Variants in MTUS1 observed in about 807,000 individuals in gnomAD.
The protein encoded by MTUS1 is microtubule associated scaffold protein 1.
A neutral mutation model predicts 120.8 loss-of-function variants in MTUS1; 109 were observed. The observed-to-expected ratio is 0.90, with a 90% CI of 0.77 to 1.06. The LOEUF is 1.06. Among genes scored for constraint, MTUS1 ranks in the 50% least tolerant of loss-of-function variants. The probability of loss-of-function intolerance (pLI) is 0.00; values close to 1 mark genes in which losing one functional copy is unlikely to be tolerated. For synonymous variants in MTUS1, 737 were observed against 550.5 expected, an observed-to-expected ratio of 1.34 and a Z score of -4.74; for missense variants, 2,210 against 1,486.3, an observed-to-expected ratio of 1.49 and a Z score of -8.01.
At chr8:17,702,319 T>C (rs1377868001) in intron 6 of MTUS1, among the ~76,000 whole-genome samples, 1 of 152,252 alleles carries the variant, frequency 6.6e-6, no homozygotes, top group East Asian at 1.9e-4. Flanking sequence ...ATTTTTCATA[T>C]ATTCCTTAGT....
At position 17,726,185 on chromosome 8, in the gene MTUS1, C is replaced by T. The variant is rs150701476; in HGVS notation, c.2288-2352G>A. 3.5e-3 allele frequency among the ~76,000 whole-genome samples: 527 copies of T among 152,296 alleles called. 4 individuals are homozygous for T. Among genetic ancestry groups the T allele is most frequent in the African/African-American group, 0.012 (509 of 41,566 alleles). Reference sequence around the variant, plus strand: ...AACCCTTGCTACTCATTTGCAGCTCCACCCTAGGCCTACTGAATCACCACC... The same window carrying T: ...AACCCTTGCTACTCATTTGCAGCTCTACCCTAGGCCTACTGAATCACCACC... On this transcript the variant is annotated intron_variant, in intron 3 of 14. Transcript: ENST00000693296.
chr8:17,754,545 G>A lies in MTUS1; in HGVS notation c.1263C>T (p.Ser421=). Residue 421 remains serine, a synonymous_variant, in exon 2 of 15, where the codon AGC becomes AGT. Coordinates refer to ENST00000693296, the MANE Select transcript of MTUS1 (RefSeq NM_001363059.2). ...LTWDANDMVI[S]TDKTMCMSTP... ...TTGACATGCACATCGTTTTGTCTGT[G>A]CTAATGACCATATCATTTGCATCCC... The A allele has an allele frequency of 1.2e-6, 2 of 1,614,188 alleles. No individual in the cohort carries two copies. Among genetic ancestry groups the A allele is most frequent in the Non-Finnish European group, 1.7e-6 (2 of 1,180,030 alleles).
At chr8:17,743,871 C>T (rs1011504847) in intron 2 of MTUS1, 72 bp from the exon 3 acceptor site, 3 of 1,325,290 alleles carry the variant, frequency 2.3e-6, no homozygotes, top group Non-Finnish European at 2.1e-6. Flanking sequence ...GAATGGGCCC[C>T]TCCTCTAGGC....
At chr8:17,700,486 A>C (rs1181216422) in intron 6 of MTUS1, among the ~76,000 whole-genome samples, 1 of 150,436 alleles carries the variant, frequency 6.6e-6, no homozygotes, top group East Asian at 1.9e-4. Flanking sequence ...AAAAAAGATG[A>C]GTCTTTATGA....
intron 12 of MTUS1, among the ~76,000 whole-genome samples, chr8:17,650,764 C>G (rs1806809582): frequency 6.6e-6 from 1 of 152,212 alleles, no homozygotes; most frequent in African/African-American, 2.4e-5. Context: ...CCTCTGAGAG[C>G]ACACCATCAG....
chr8:17,798,927 T>C (rs78178984), intron 1 of MTUS1, among the ~76,000 whole-genome samples: 3 of 152,152 alleles, frequency 2.0e-5, no homozygotes, highest in Non-Finnish European at 4.4e-5. Flanking sequence ...GGAAAACAAC[T>C]AGATTTCTTT....
intron 1 of MTUS1, among the ~76,000 whole-genome samples, chr8:17,776,616 T>A (rs965048637): frequency 7.5e-6 from 1 of 132,650 alleles, no homozygotes; most frequent in African/African-American, 2.8e-5. Context: ...GAGGTGGAGG[T>A]TGTAGTGAGG....
intron 14 of MTUS1, 80 bp from the exon 15 acceptor site, chr8:17,646,219 T>A (rs1805762014): frequency 2.2e-6 from 3 of 1,370,684 alleles, no homozygotes; most frequent in Non-Finnish European, 2.9e-6. Context: ...CGTTTGAAAC[T>A]TTAAAGTCCA....
At chr8:17,779,178 C>T (rs1269123277) in intron 1 of MTUS1, among the ~76,000 whole-genome samples, 3 of 152,190 alleles carry the variant, frequency 2.0e-5, no homozygotes, top group South Asian at 4.1e-4. Flanking sequence ...TGTGTCATTA[C>T]AGCAGTAGTT....
intron 1 of MTUS1, among the ~76,000 whole-genome samples, chr8:17,788,817 T>C (rs949095463): frequency 3.3e-5 from 5 of 152,146 alleles, no homozygotes; most frequent in African/African-American, 1.2e-4. Context: ...AAAGTAACCT[T>C]TGTCATGAAA....
Position 17,759,124 on chromosome 8 carries a change from G to A in MTUS1, c.-154-3163C>T, listed in dbSNP as rs1021443575. Reference sequence around the variant, plus strand: ...TCTTGATCTCCTGACCTCGTGATCCGCCCGCCTCGGCCTCCCAAAGTGCTG... The same window carrying A: ...TCTTGATCTCCTGACCTCGTGATCCACCCGCCTCGGCCTCCCAAAGTGCTG... On this transcript the variant is annotated intron_variant, in intron 1 of 14. Coordinates refer to ENST00000693296, the MANE Select transcript of MTUS1 (RefSeq NM_001363059.2). Among the ~76,000 whole-genome samples the A allele has an allele frequency of 4.6e-5, 7 of 151,288 alleles. No homozygotes were observed. The East Asian group carries it at 7.8e-4, about 17-fold the overall frequency.
chr8:17,737,378 T>C (rs377226035), intron 3 of MTUS1, among the ~76,000 whole-genome samples: 118 of 152,370 alleles, frequency 7.7e-4, no homozygotes, highest in Admixed American at 2.1e-3. Context: ...ACTCAAAACA[T>C]GTTAGTGACT....
chr8:17,777,605 G>A (rs1458129001), intron 1 of MTUS1, among the ~76,000 whole-genome samples: 1 of 152,116 alleles, frequency 6.6e-6, no homozygotes, highest in Non-Finnish European at 1.5e-5. Flanking sequence ...ACCAAGGGGA[G>A]CAGAAATGAA....
chr8:17,714,489 T>C (rs370051979), intron 5 of MTUS1, among the ~76,000 whole-genome samples: 100 of 152,266 alleles, frequency 6.6e-4, no homozygotes, highest in Middle Eastern at 6.8e-3. Context: ...ACAATGAATC[T>C]TGACTCACAT....
At chr8:17,719,286 G>A (rs1267835215) in intron 4 of MTUS1, among the ~76,000 whole-genome samples, 1 of 152,168 alleles carries the variant, frequency 6.6e-6, no homozygotes, top group African/African-American at 2.4e-5. Flanking sequence ...TATACACACA[G>A]AGCCAACATT....
intron 6 of MTUS1, among the ~76,000 whole-genome samples, chr8:17,689,464 C>A (rs3862097): frequency 6.6e-6 from 1 of 152,006 alleles, no homozygotes; most frequent in African/African-American, 2.4e-5. Flanking sequence ...GGGTTAATTA[C>A]GCTTATAAAA....
intron 1 of MTUS1, among the ~76,000 whole-genome samples, chr8:17,757,148 T>G (rs1475962982): frequency 6.6e-6 from 1 of 152,208 alleles, no homozygotes; most frequent in African/African-American, 2.4e-5. Flanking sequence ...GAAACCCACA[T>G]GCCCATCAAC....
intron 6 of MTUS1, among the ~76,000 whole-genome samples, chr8:17,712,807 C>A (rs1821594541): frequency 6.6e-6 from 1 of 151,376 alleles, no homozygotes; most frequent in African/African-American, 2.4e-5. Context: ...AATGTTAAGT[C>A]CAGTGAAAGT....
intron 6 of MTUS1, among the ~76,000 whole-genome samples, chr8:17,703,338 G>C (rs775243644): frequency 1.3e-5 from 2 of 152,092 alleles, no homozygotes; most frequent in Non-Finnish European, 2.9e-5. Context: ...TGTCCTATGC[G>C]GTGGAGATAG....
Sources: gnomAD v4.1 joint callset for allele counts (sites outside exome capture counted in the v4.1 genomes callset) on GRCh38, gnomAD v4.1.1 for gene constraint, MANE v1.5 for transcripts, NCBI Gene and HGNC (gene_info 2026-07-23, HGNC 2026-07-21) for gene names.